The following PRDM11 variants were observed in gnomAD, a reference collection of about 807,000 sequenced individuals.
The protein encoded by PRDM11 is PR domain-containing protein 11.
PRDM11 carries 20 observed loss-of-function variants against 97.8 expected under a neutral mutation model. The ratio of observed to expected loss-of-function variants is 0.20; its 90% CI spans 0.14 to 0.30. The LOEUF is 0.30. Among genes scored for constraint, PRDM11 ranks in the 10% least tolerant of loss-of-function variants. The probability of loss-of-function intolerance (pLI) is 1.00; values close to 1 mark genes in which losing one functional copy is unlikely to be tolerated. For missense variants in PRDM11, 1,139 were observed against 1,555.2 expected (o/e 0.73, Z 4.50); for synonymous variants, 599 against 637.7 (o/e 0.94, Z 0.91).
At chr11:45,177,155 C>T (rs1205403285) in intron 1 of PRDM11, among the ~76,000 whole-genome samples, 3 of 152,250 alleles carry the variant, frequency 2.0e-5, no homozygotes. Flanking sequence ...TACACTGGCT[C>T]CTGGGCATTC....
At chr11:45,209,851 C>T (rs1853655836) in intron 5 of PRDM11, among the ~76,000 whole-genome samples, 1 of 152,212 alleles carries the variant, frequency 6.6e-6, no homozygotes, top group Non-Finnish European at 1.5e-5. Context: ...AAAACTGGCT[C>T]CACTGGGGAC....
chr11:45,203,482 G>A (rs148463054), intron 4 of PRDM11, among the ~76,000 whole-genome samples: 168 of 151,638 alleles, frequency 1.1e-3, no homozygotes, highest in East Asian at 2.7e-3. Flanking sequence ...GAGAAACCCC[G>A]GATTAGACAC....
At chr11:45,097,753 C>G (rs1221558939) in intron 1 of PRDM11, among the ~76,000 whole-genome samples, 4 of 152,218 alleles carry the variant, frequency 2.6e-5, no homozygotes, top group Non-Finnish European at 5.9e-5. Flanking sequence ...CATGGAGCCG[C>G]CTTGTTGGCA....
chr11:45,115,698 C>T (rs1029550280), intron 1 of PRDM11, among the ~76,000 whole-genome samples: 3 of 151,644 alleles, frequency 2.0e-5, no homozygotes, highest in Admixed American at 1.3e-4. Context: ...GGGAGGCTGA[C>T]GGGGGTGGAT....
chr11:45,129,803 C>CA (rs749938904), intron 1 of PRDM11, among the ~76,000 whole-genome samples: 18 of 151,154 alleles, frequency 1.2e-4, no homozygotes, highest in South Asian at 6.3e-4. Flanking sequence ...TATAAAAATG[C>CA]AAAAAAAACC....
At chr11:45,200,616 G>A (rs1853294036) in intron 4 of PRDM11, among the ~76,000 whole-genome samples, 1 of 152,168 alleles carries the variant, frequency 6.6e-6, no homozygotes, top group African/African-American at 2.4e-5. Flanking sequence ...CTGGCTGTAG[G>A]AACTAGAGAT....
At chr11:45,102,897 T>C (rs1210189701) in intron 1 of PRDM11, among the ~76,000 whole-genome samples, 1 of 152,174 alleles carries the variant, frequency 6.6e-6, no homozygotes, top group Non-Finnish European at 1.5e-5. Flanking sequence ...TAGTGTGAAC[T>C]GGTCGACCGA....
chr11:45,107,517 G>C (rs1193279039), intron 1 of PRDM11, among the ~76,000 whole-genome samples: 2 of 152,174 alleles, frequency 1.3e-5, no homozygotes, highest in Non-Finnish European at 2.9e-5. Flanking sequence ...GTGGACAACT[G>C]ATGAAGCAGA....
chr11:45,195,542 A>G (rs921633665), intron 4 of PRDM11, among the ~76,000 whole-genome samples: 2 of 151,360 alleles, frequency 1.3e-5, no homozygotes, highest in Non-Finnish European at 2.9e-5. Context: ...GTGTGGCAGC[A>G]TGTATCATTC....
chr11:45,197,268 A>G (rs1405535954), intron 4 of PRDM11, among the ~76,000 whole-genome samples: 1 of 152,140 alleles, frequency 6.6e-6, no homozygotes, highest in Non-Finnish European at 1.5e-5. Context: ...ACTACCTGAT[A>G]CCAGTTATAG....
At chr11:45,217,118 G>A (rs771431381) in intron 5 of PRDM11, among the ~76,000 whole-genome samples, 15 of 152,336 alleles carry the variant, frequency 9.8e-5, no homozygotes, top group South Asian at 4.1e-4. Flanking sequence ...TGTGCTAACC[G>A]CAAGGTTGAT....
intron 1 of PRDM11, among the ~76,000 whole-genome samples, chr11:45,136,991 A>G (rs1421849180): frequency 7.4e-6 from 1 of 135,156 alleles, no homozygotes; most frequent in Non-Finnish European, 1.5e-5. Flanking sequence ...TAAAAATACA[A>G]AAAAAAAAAA....
intron 3 of PRDM11, among the ~76,000 whole-genome samples, chr11:45,182,629 T>C (rs1330072076): frequency 6.6e-6 from 1 of 152,240 alleles, no homozygotes; most frequent in Non-Finnish European, 1.5e-5. Context: ...AAAGCCATGC[T>C]CTTTCTTCCA....
intron 1 of PRDM11, among the ~76,000 whole-genome samples, chr11:45,140,894 GAGA>G (rs1851389605): frequency 6.6e-6 from 1 of 152,150 alleles, no homozygotes; most frequent in Non-Finnish European, 1.5e-5. Flanking sequence ...CCTATTTACA[GAGA>G]AGGAGACTGA....
intron 1 of PRDM11, among the ~76,000 whole-genome samples, chr11:45,173,703 A>G (rs1852260050): frequency 6.6e-6 from 1 of 151,140 alleles, no homozygotes; most frequent in Non-Finnish European, 1.5e-5. Context: ...AGCTATACCC[A>G]TGATGCTTAG....
At chr11:45,187,814 G>A (rs1047858652) in intron 4 of PRDM11, among the ~76,000 whole-genome samples, 2 of 151,780 alleles carry the variant, frequency 1.3e-5, no homozygotes, top group African/African-American at 4.9e-5. Context: ...GTGTGTGTGT[G>A]TGTGTGTGTG....
chr11:45,163,045 T>C (rs1309505961), intron 1 of PRDM11, among the ~76,000 whole-genome samples: 1 of 152,182 alleles, frequency 6.6e-6, no homozygotes. Context: ...TGAACTGGGA[T>C]GCTCTCAACT....
rs2135690199 is a variant in PRDM11, at chr11:45,153,958, A to G, written c.-7+7081A>G. Among the ~76,000 whole-genome samples, 2 of 151,748 alleles carry G rather than the reference A, an allele frequency of 1.3e-5. 1 individual carries two copies. The highest frequency in any genetic ancestry group is 4.2e-4 in the South Asian group (2 of 4,798). On this transcript the variant is annotated intron_variant, in intron 1 of 7. Coordinates refer to ENST00000683152, the MANE Select transcript of PRDM11 (RefSeq NM_001384648.1). Reference sequence around the variant, plus strand: ...CTGAAGATCACACAGCTATCATCTCATTTTTCCAATCTTCTTAAGAAAACC... The same window carrying G: ...CTGAAGATCACACAGCTATCATCTCGTTTTTCCAATCTTCTTAAGAAAACC...
Position 45,228,210 on chromosome 11 carries a change from T to C in PRDM11, c.*51T>C. On this transcript the variant is annotated 3_prime_UTR_variant, in exon 8 of 8. Coordinates refer to ENST00000683152, the MANE Select transcript of PRDM11 (RefSeq NM_001384648.1). ...AGCTGTTGAATATTTTTTTAATCTA[T>C]ACTCATAAGCTTTGATATATTATAT... 1 of 1,273,206 alleles carries C rather than the reference T, an allele frequency of 7.9e-7. No individual in the cohort carries two copies. 78.9% of individuals were successfully genotyped at this position (1,273,206 alleles called of 1,614,324 possible).
Sources: gnomAD v4.1 joint callset for allele counts (sites outside exome capture counted in the v4.1 genomes callset) on GRCh38, gnomAD v4.1.1 for gene constraint, MANE v1.5 for transcripts, NCBI Gene and HGNC (gene_info 2026-07-23, HGNC 2026-07-21) for gene names.